SLC25A36: variants seen among roughly 807,000 people sequenced by gnomAD.
SLC25A36 encodes the protein solute carrier family 25 member 36.
A neutral mutation model predicts 35.3 loss-of-function variants in SLC25A36; 24 were observed. The observed-to-expected ratio is 0.68, with a 90% confidence interval of 0.49 to 0.96. The LOEUF (loss-of-function observed/expected upper bound fraction) is 0.96, where lower values mean the gene tolerates loss of function less well. Among genes scored for constraint, SLC25A36 ranks in the 40% least tolerant of loss-of-function variants. The probability of loss-of-function intolerance (pLI) is 0.00; values close to 1 mark genes in which losing one functional copy is unlikely to be tolerated. For synonymous variants in SLC25A36, 141 were observed against 132.2 expected, an observed-to-expected ratio of 1.07 and a Z score of -0.46; for missense variants, 294 against 381.1, an observed-to-expected ratio of 0.77 and a Z score of 1.90.
At position 140,977,408 on chromosome 3, in the gene SLC25A36, T is replaced by C. The variant is rs1021952265; in HGVS notation, c.*955T>C. On this transcript the variant is annotated 3_prime_UTR_variant, in exon 7 of 7. Transcript: ENST00000324194. ...GATTACATTTATTTTGTAAAGAAAA[T>C]AGTAATTTAAAGTTTTGCCATTTTA... The C allele has an allele frequency of 6.6e-6, 1 of 152,152 alleles. No homozygotes were observed. Among genetic ancestry groups the C allele is most frequent in the African/African-American group, 2.4e-5 (1 of 41,440 alleles). 9.4% of individuals were successfully genotyped at this position (152,152 alleles called of 1,614,324 possible). A position where few individuals can be genotyped will look rare whatever the true frequency, so the allele number is the denominator to read the frequency against.
intron 1 of SLC25A36, among the ~76,000 whole-genome samples, chr3:140,943,215 A>G (rs1003661776): frequency 2.6e-5 from 4 of 152,236 alleles, no homozygotes; most frequent in Admixed American, 6.5e-5. Context: ...GCATCTTCTT[A>G]AATCCTGCAG....
chr3:140,943,007 A>G (rs1934060034), intron 1 of SLC25A36, among the ~76,000 whole-genome samples: 1 of 152,196 alleles, frequency 6.6e-6, no homozygotes, highest in East Asian at 1.9e-4. Context: ...TGTGTGCAAG[A>G]TTAGGACTAA....
At position 140,956,657 on chromosome 3, in the gene SLC25A36, C is replaced by A. The variant is rs753621740; in HGVS notation, c.172C>A (p.Arg58=). The change falls in exon 2 of 7, where the codon CGA becomes AGA. Residue 58 remains arginine (R), a synonymous_variant. Transcript: ENST00000324194. ...CACCATGGCTGGAGCCAGTGTCAAC[C>A]GAGTAGTGTCTCCCGGACCTCTTCA... The part of the protein sequence containing the change: ...LNTMAGASVN[R]VVSPGPLHCL... 1.2e-6 allele frequency: 2 copies of A among 1,613,516 alleles called. No homozygotes were observed. Among genetic ancestry groups the A allele is most frequent in the East Asian group, 2.2e-5 (1 of 44,860 alleles).
Position 140,959,479 on chromosome 3 carries a change from G to C in SLC25A36, c.223G>C (p.Glu75Gln). Residue 75 changes from glutamate (E) to glutamine (Q), a missense_variant, in exon 3 of 7, where the codon GAA becomes CAA. Physicochemically the swap from Glu to Gln is conservative, Grantham distance 29. Transcript: ENST00000324194. ...CTCTTTCAGGGTGATCTTGGAAAAA[G>C]AAGGGCCTCGTTCCTTGTTTAGAGG... ...LHCLKVILEK[E>Q]GPRSLFRGLG... The C allele has an allele frequency of 6.6e-7, 1 of 1,522,422 alleles. No homozygotes were observed. Among genetic ancestry groups the C allele is most frequent in the Non-Finnish European group, 8.7e-7 (1 of 1,143,216 alleles). The allele number at this position is 1,522,422 out of a possible 1,614,324, so 94.3% of individuals were successfully genotyped here.
intron 1 of SLC25A36, among the ~76,000 whole-genome samples, chr3:140,946,077 G>T (rs759030501): frequency 3.4e-4 from 52 of 152,262 alleles, no homozygotes; most frequent in Non-Finnish European, 5.9e-4. Flanking sequence ...CACTTGTCTG[G>T]TTGTAATATA....
intron 4 of SLC25A36, chr3:140,968,793 T>A: frequency 3.0e-6 from 2 of 656,310 alleles, no homozygotes; most frequent in Non-Finnish European, 3.8e-6. Flanking sequence ...AAAACTTAGG[T>A]GCTCATCTTC....
intron 6 of SLC25A36, among the ~76,000 whole-genome samples, chr3:140,974,336 A>G (rs1169443327): frequency 1.3e-5 from 2 of 152,084 alleles, no homozygotes; most frequent in African/African-American, 4.8e-5. Flanking sequence ...TACATTACTA[A>G]TCTACATAAA....
Position 140,974,014 on chromosome 3 carries a change from AGTTATCTATTAAATC to A in SLC25A36, c.742+10_742+24del. On this transcript the variant is annotated intron_variant, in intron 6 of 6. Transcript: ENST00000324194. ...TATAGCATATCCACATGGTAAGAAG[AGTTATCTATTAAATC>A]AGAAATATTTTCCCACCCCAGCCAA... 1 of 1,502,048 alleles carries A rather than the reference AGTTATCTATTAAATC, an allele frequency of 6.7e-7. No individual in the cohort carries two copies. The highest frequency in any genetic ancestry group is 8.9e-7 in the Non-Finnish European group (1 of 1,119,378). 93.0% of individuals were successfully genotyped at this position (1,502,048 alleles called of 1,614,324 possible). A position where few individuals can be genotyped will look rare whatever the true frequency, so the allele number is the denominator to read the frequency against.
intron 1 of SLC25A36, among the ~76,000 whole-genome samples, chr3:140,947,110 A>G (rs1212924451): frequency 6.6e-6 from 1 of 152,228 alleles, no homozygotes; most frequent in Admixed American, 6.5e-5. Flanking sequence ...TACAAGATCT[A>G]GAAAGGAGTA....
intron 2 of SLC25A36, 88 bp from the exon 3 acceptor site, chr3:140,959,374 TG>T: frequency 1.3e-6 from 1 of 761,808 alleles, no homozygotes; most frequent in Non-Finnish European, 2.1e-6. Flanking sequence ...ACAAATGTAC[TG>T]GATTTAGACT....
At chr3:140,946,940 A>C (rs139027202) in intron 1 of SLC25A36, among the ~76,000 whole-genome samples, 1 of 152,238 alleles carries the variant, frequency 6.6e-6, no homozygotes, top group African/African-American at 2.4e-5. Flanking sequence ...TCACTAAGGG[A>C]GTGAATATAG....
In SLC25A36 at chr3:140,977,957, C is replaced by T. The variant is rs9829128; in HGVS notation, c.*1504C>T. On this transcript the variant is annotated 3_prime_UTR_variant, in exon 7 of 7. Transcript: ENST00000324194. ...AAAAAAAAAACAAAAACATTGGTCA[C>T]GTATTAGGCAGAAACAGTGTTCATA... The T allele has an allele frequency of 0.96, 145,997 of 151,948 alleles. 70,405 individuals carry two copies. Among genetic ancestry groups the T allele is most frequent in the Middle Eastern group, 1 (292 of 292 alleles). 9.4% of individuals were successfully genotyped at this position (151,948 alleles called of 1,614,324 possible).
chr3:140,943,710 C>T (rs140640012), intron 1 of SLC25A36, among the ~76,000 whole-genome samples: 296 of 152,314 alleles, frequency 1.9e-3, no homozygotes, highest in Non-Finnish European at 2.9e-3. Context: ...ATTATATGAT[C>T]TCTAAAGCCC....
rs1175064263 is a variant in SLC25A36, at chr3:140,978,148, C to T, written c.*1695C>T. ...AACATAGTGCCCTGTTAAATTCCCC[C>T]ACTTTAACTTCCTTGTGATCAACAG... On this transcript the variant is annotated 3_prime_UTR_variant, in exon 7 of 7. Transcript: ENST00000324194. The T allele has an allele frequency of 6.6e-6, 1 of 152,168 alleles. No individual in the cohort carries two copies. The highest frequency in any genetic ancestry group is 1.9e-4 in the East Asian group (1 of 5,194). The allele number at this position is 152,168 out of a possible 1,614,324, so 9.4% of individuals were successfully genotyped here.
intron 1 of SLC25A36, among the ~76,000 whole-genome samples, chr3:140,949,482 T>A (rs542630588): frequency 6.6e-6 from 1 of 152,362 alleles, no homozygotes; most frequent in East Asian, 1.9e-4. Flanking sequence ...AATACATAGC[T>A]ATGTGATTAT....
chr3:140,961,781 G>A (rs574178291), intron 3 of SLC25A36, among the ~76,000 whole-genome samples: 20 of 147,516 alleles, frequency 1.4e-4, no homozygotes, highest in South Asian at 6.3e-4. Context: ...GCGTGAACCC[G>A]GGAGGCGGAG....
Position 140,941,936 on chromosome 3 carries a change from G to A in SLC25A36, c.-119G>A. 1.6e-6 allele frequency: 1 copy of A among 607,538 alleles called. No homozygotes were observed. The highest frequency in any genetic ancestry group is 2.8e-6 in the Non-Finnish European group (1 of 356,922). 37.6% of individuals were successfully genotyped at this position (607,538 alleles called of 1,614,324 possible). A position where few individuals can be genotyped will look rare whatever the true frequency, so the allele number is the denominator to read the frequency against. ...GCTTTCTGCAGCCGCATCTCGGCCA[G>A]CTCTCCTCGCCGTCCCCGGGGCGCT... On this transcript the variant is annotated 5_prime_UTR_variant, in exon 1 of 7. Coordinates refer to ENST00000324194, the MANE Select transcript of SLC25A36 (RefSeq NM_001104647.3).
At chr3:140,947,961 A>T (rs1347866070) in intron 1 of SLC25A36, among the ~76,000 whole-genome samples, 1 of 152,000 alleles carries the variant, frequency 6.6e-6, no homozygotes. Context: ...TTTAATTATT[A>T]TTATTTTTTG....
chr3:140,956,581 A>C lies in SLC25A36; in HGVS notation c.96A>C (p.Thr32=). 1 of 1,612,844 alleles carries C rather than the reference A, an allele frequency of 6.2e-7. No homozygotes were observed. ...ILTCPLEVVK[T]RLQSSSVTLY... The stretch of plus-strand genomic sequence containing the variant: ...CATGTCCACTGGAAGTTGTAAAAAC[A>C]CGACTGCAGTCATCTTCTGTGACGC... The change falls in exon 2 of 7, where the codon ACA becomes ACC. Residue 32 remains threonine, a synonymous_variant. Transcript: ENST00000324194.
Sources: gnomAD v4.1 joint callset for allele counts (sites outside exome capture counted in the v4.1 genomes callset) on GRCh38, gnomAD v4.1.1 for gene constraint, MANE v1.5 for transcripts, NCBI Gene and HGNC (gene_info 2026-07-23, HGNC 2026-07-21) for gene names.